The following KAZN variants were observed in gnomAD, a reference collection of about 807,000 sequenced individuals.
The protein encoded by KAZN is kazrin.
A neutral mutation model predicts 87.4 loss-of-function variants in KAZN; 40 were observed. The observed-to-expected ratio is 0.46, with a 90% CI of 0.36 to 0.60. The LOEUF is 0.60. Ranked by LOEUF, KAZN falls within the 20% of genes least tolerant of loss-of-function variation. KAZN has a pLI of 0.00. For synonymous variants in KAZN, 466 were observed against 458.3 expected, an observed-to-expected ratio of 1.02 and a Z score of -0.22; for missense variants, 898 against 1,073.9, an observed-to-expected ratio of 0.84 and a Z score of 2.29.
intron 1 of KAZN, among the ~76,000 whole-genome samples, chr1:14,123,175 C>A (rs1221201192): frequency 6.6e-6 from 1 of 152,192 alleles, no homozygotes; most frequent in Non-Finnish European, 1.5e-5. Flanking sequence ...GTTTCCATTG[C>A]CATTTTCCTG....
intron 2 of KAZN, among the ~76,000 whole-genome samples, chr1:14,240,952 T>C (rs989380304): frequency 6.6e-6 from 1 of 152,238 alleles, no homozygotes; most frequent in African/African-American, 2.4e-5. Flanking sequence ...AGCAAGATTG[T>C]GTTCTATTTT....
chr1:14,865,036 T>A (rs1488982720), intron 1 of KAZN, among the ~76,000 whole-genome samples: 1 of 152,040 alleles, frequency 6.6e-6, no homozygotes, highest in Non-Finnish European at 1.5e-5. Context: ...CCAGGTACCA[T>A]CTCCTCAATG....
intron 2 of KAZN, among the ~76,000 whole-genome samples, chr1:14,968,638 G>A (rs986759659): frequency 1.6e-4 from 25 of 152,324 alleles, no homozygotes; most frequent in Non-Finnish European, 3.5e-4. Context: ...AGCACGGGGC[G>A]GGTGGAGTTA....
chr1:14,000,847 A>G (rs1391539416), intron 1 of KAZN, among the ~76,000 whole-genome samples: 1 of 150,324 alleles, frequency 6.7e-6, no homozygotes, highest in African/African-American at 2.4e-5. Context: ...CAGTGGCGGG[A>G]TCTCGGCTCA....
At chr1:15,108,058 C>A (rs1215626405) in intron 13 of KAZN, among the ~76,000 whole-genome samples, 1 of 152,178 alleles carries the variant, frequency 6.6e-6, no homozygotes, top group Non-Finnish European at 1.5e-5. Flanking sequence ...TTTGCTCCAG[C>A]GTTCTCATTA....
chr1:14,366,895 C>CA (rs1472379674), intron 2 of KAZN, among the ~76,000 whole-genome samples: 7 of 152,206 alleles, frequency 4.6e-5, no homozygotes, highest in African/African-American at 1.7e-4. Context: ...TCAGGTCTCA[C>CA]AAACGAATGG....
intron 2 of KAZN, among the ~76,000 whole-genome samples, chr1:15,014,619 G>T (rs907856101): frequency 6.6e-6 from 1 of 152,142 alleles, no homozygotes; most frequent in African/African-American, 2.4e-5. Flanking sequence ...GCATTTGCTG[G>T]CACCCATGGA....
intron 2 of KAZN, among the ~76,000 whole-genome samples, chr1:14,401,636 T>G (rs1485887116): frequency 6.6e-6 from 1 of 152,030 alleles, no homozygotes; most frequent in Non-Finnish European, 1.5e-5. Context: ...GGGAATATGG[T>G]GAAACCCCAT....
chr1:14,060,191 G>C (rs1020602065), intron 1 of KAZN, among the ~76,000 whole-genome samples: 1 of 151,842 alleles, frequency 6.6e-6, no homozygotes, highest in Non-Finnish European at 1.5e-5. Flanking sequence ...GTGAAACCCC[G>C]TCTCTACTAA....
intron 1 of KAZN, among the ~76,000 whole-genome samples, chr1:14,063,785 G>C (rs577515947): frequency 4.1e-4 from 62 of 152,302 alleles, no homozygotes; most frequent in African/African-American, 1.3e-3. Context: ...TACTGTTCTT[G>C]TGGTAGTGAA....
chr1:14,073,136 G>A (rs906336544), intron 1 of KAZN, among the ~76,000 whole-genome samples: 1 of 152,296 alleles, frequency 6.6e-6, no homozygotes, highest in South Asian at 2.1e-4. Flanking sequence ...AATGCAACAA[G>A]AACCACATTT....
chr1:14,472,627 C>G (rs1171345733), intron 2 of KAZN, among the ~76,000 whole-genome samples: 1 of 150,910 alleles, frequency 6.6e-6, no homozygotes, highest in African/African-American at 2.4e-5. Flanking sequence ...TCAGTAATGC[C>G]TACAGCAAAG....
intron 1 of KAZN, among the ~76,000 whole-genome samples, chr1:13,908,465 C>A (rs971935158): frequency 1.3e-4 from 20 of 152,352 alleles, no homozygotes; most frequent in African/African-American, 4.6e-4. Context: ...GCTAATTCCC[C>A]TGGGTCCTAA....
intron 1 of KAZN, among the ~76,000 whole-genome samples, chr1:14,736,299 G>A (rs11578085): frequency 0.27 from 31,932 of 120,054 alleles, 4,071 homozygotes; most frequent in Middle Eastern, 0.47. Context: ...GTGTGTGTGT[G>A]TATATTTTTT....
At chr1:14,378,409 T>G (rs1470151709) in intron 2 of KAZN, among the ~76,000 whole-genome samples, 2 of 152,190 alleles carry the variant, frequency 1.3e-5, no homozygotes, top group African/African-American at 4.8e-5. Context: ...AGAAACAACC[T>G]TCATGAGAAC....
At chr1:13,936,754 A>G (rs188569567) in intron 1 of KAZN, among the ~76,000 whole-genome samples, 5 of 152,282 alleles carry the variant, frequency 3.3e-5, no homozygotes, top group Admixed American at 1.3e-4. Context: ...GTATATGTGT[A>G]CAGACTTAGG....
intron 3 of KAZN, among the ~76,000 whole-genome samples, chr1:15,038,652 T>C (rs1012975125): frequency 1.3e-5 from 2 of 152,236 alleles, no homozygotes; most frequent in Non-Finnish European, 2.9e-5. Flanking sequence ...CAGATGTTTA[T>C]TGTGCAACTA....
intron 1 of KAZN, among the ~76,000 whole-genome samples, chr1:14,707,347 T>C (rs1642262371): frequency 1.3e-5 from 2 of 152,198 alleles, no homozygotes; most frequent in South Asian, 4.1e-4. Context: ...CGGCACCTAG[T>C]GAAGGGCCAG....
intron 2 of KAZN, among the ~76,000 whole-genome samples, chr1:14,221,100 G>T (rs940639144): frequency 1.3e-5 from 2 of 152,064 alleles, no homozygotes; most frequent in Non-Finnish European, 2.9e-5. Context: ...CTGTCATCTT[G>T]CTTAGTGTTT....
Sources: gnomAD v4.1 joint callset for allele counts (sites outside exome capture counted in the v4.1 genomes callset) on GRCh38, gnomAD v4.1.1 for gene constraint, MANE v1.5 for transcripts, NCBI Gene and HGNC (gene_info 2026-07-23, HGNC 2026-07-21) for gene names.